The following DPP10 variants were observed in gnomAD, a reference collection of about 807,000 sequenced individuals.
The protein encoded by DPP10 is inactive dipeptidyl peptidase 10.
Under a neutral mutation model 120.9 loss-of-function variants are expected in DPP10, and 33 were observed. The observed-to-expected ratio is 0.27, with a 90% CI of 0.21 to 0.37. The LOEUF is 0.37. DPP10 is among the 10% of genes least tolerant of loss of function. DPP10 has a pLI of 1.00. For missense variants in DPP10, 816 were observed against 942.8 expected, an observed-to-expected ratio of 0.87 and a Z score of 1.76; for synonymous variants, 337 against 326.1, an observed-to-expected ratio of 1.03 and a Z score of -0.36.
At position 115,099,115 on chromosome 2, in the gene DPP10, T is replaced by A. The variant is rs796199519; in HGVS notation, c.61-210124T>A. Among the ~76,000 whole-genome samples, 66 of 135,974 alleles carry A rather than the reference T, an allele frequency of 4.9e-4. 1 individual carries two copies. Among genetic ancestry groups the A allele is most frequent in the African/African-American group, 1.1e-3 (40 of 35,996 alleles). 89.2% of individuals were successfully genotyped at this position (135,974 alleles called of 152,430 possible). On this transcript the variant is annotated intron_variant, in intron 1 of 25. Transcript: ENST00000410059. The stretch of plus-strand genomic sequence containing the variant: ...GCCTGGCCAAGATGGCAAAACCCCA[T>A]CTCTGCTAAAAATACAAAAAAAAAA...
chr2:115,587,622 C>T (rs1292141292), intron 5 of DPP10, among the ~76,000 whole-genome samples: 1 of 152,014 alleles, frequency 6.6e-6, no homozygotes, highest in Non-Finnish European at 1.5e-5. Flanking sequence ...TTAATAATAG[C>T]CAAGATATAG....
At chr2:115,109,907 G>GT (rs2049131782) in intron 1 of DPP10, among the ~76,000 whole-genome samples, 1 of 152,210 alleles carries the variant, frequency 6.6e-6, no homozygotes, top group Non-Finnish European at 1.5e-5. Flanking sequence ...AGACTTTGCT[G>GT]TAGGGACAAA....
intron 3 of DPP10, among the ~76,000 whole-genome samples, chr2:115,360,924 G>A (rs2106350521): frequency 6.6e-6 from 1 of 152,238 alleles, no homozygotes; most frequent in South Asian, 2.1e-4. Context: ...AGGGCCTAGA[G>A]TTTTTTGCCC....
intron 3 of DPP10, among the ~76,000 whole-genome samples, chr2:115,394,002 C>A (rs551137988): frequency 6.6e-6 from 1 of 152,026 alleles, no homozygotes; most frequent in East Asian, 1.9e-4. Flanking sequence ...AAGATTGGTG[C>A]CATGAAGTGA....
intron 3 of DPP10, among the ~76,000 whole-genome samples, chr2:115,450,278 A>G (rs1207264946): frequency 6.6e-6 from 1 of 152,000 alleles, no homozygotes; most frequent in Non-Finnish European, 1.5e-5. Flanking sequence ...TCATGACTGC[A>G]TGTCACTGCC....
At chr2:114,817,990 T>C (rs1685777017) in intron 1 of DPP10, among the ~76,000 whole-genome samples, 1 of 152,144 alleles carries the variant, frequency 6.6e-6, no homozygotes, top group South Asian at 2.1e-4. Context: ...TCTTGAAGGA[T>C]TAGAAAATAC....
chr2:115,580,709 A>G (rs2081959302), intron 5 of DPP10, among the ~76,000 whole-genome samples: 1 of 152,202 alleles, frequency 6.6e-6, no homozygotes, highest in Admixed American at 6.5e-5. Context: ...AAATATCAAC[A>G]CTTTAGTGAA....
At chr2:114,663,258 A>ATATC (rs1259987643) in intron 1 of DPP10, among the ~76,000 whole-genome samples, 1 of 147,650 alleles carries the variant, frequency 6.8e-6, no homozygotes, top group Non-Finnish European at 1.5e-5. Flanking sequence ...ATATATATAT[A>ATATC]TCTATATATA....
chr2:115,332,084 T>G (rs1355878061), intron 2 of DPP10, among the ~76,000 whole-genome samples: 1 of 152,178 alleles, frequency 6.6e-6, no homozygotes, highest in African/African-American at 2.4e-5. Flanking sequence ...AGCTATTGAT[T>G]ATTGCCTCAA....
chr2:115,221,987 A>G (rs2057194922), intron 1 of DPP10, among the ~76,000 whole-genome samples: 1 of 152,020 alleles, frequency 6.6e-6, no homozygotes, highest in Admixed American at 6.6e-5. Context: ...CTTAAACTCT[A>G]GGATTTGGAG....
At chr2:114,855,709 A>G (rs1440076930) in intron 1 of DPP10, among the ~76,000 whole-genome samples, 1 of 152,214 alleles carries the variant, frequency 6.6e-6, no homozygotes, top group African/African-American at 2.4e-5. Flanking sequence ...AAAGATCAGC[A>G]ACTTAGACTA....
intron 8 of DPP10, among the ~76,000 whole-genome samples, chr2:115,733,375 A>G (rs1317501876): frequency 6.6e-6 from 1 of 152,166 alleles, no homozygotes; most frequent in Non-Finnish European, 1.5e-5. Flanking sequence ...CAGGGTTATC[A>G]GTAGTGCTGA....
Position 115,451,696 on chromosome 2 carries a change from G to A in DPP10, c.272-47814G>A, listed in dbSNP as rs2073119016. On this transcript the variant is annotated intron_variant, in intron 3 of 25. Transcript: ENST00000410059. ...TATTCTCATTCAACAATGTTTGCATGTTGGTTAATTTCAAATGTATCTTTC... is the reference window on the plus strand; with the variant it reads ...TATTCTCATTCAACAATGTTTGCATATTGGTTAATTTCAAATGTATCTTTC... 2.6e-5 allele frequency among the ~76,000 whole-genome samples: 4 copies of A among 152,040 alleles called. No individual in the cohort carries two copies. In the South Asian group the frequency reaches 8.3e-4, roughly 32 times the overall value.
intron 8 of DPP10, among the ~76,000 whole-genome samples, chr2:115,733,921 G>T (rs2092970270): frequency 6.6e-6 from 1 of 152,144 alleles, no homozygotes; most frequent in Non-Finnish European, 1.5e-5. Context: ...TAAATTCTTT[G>T]TAAATAATAT....
At chr2:115,574,118 C>T (rs2081513101) in intron 5 of DPP10, among the ~76,000 whole-genome samples, 2 of 152,118 alleles carry the variant, frequency 1.3e-5, no homozygotes, top group South Asian at 4.1e-4. Flanking sequence ...ATTCTTCCCT[C>T]CACTTCACTG....
intron 3 of DPP10, among the ~76,000 whole-genome samples, chr2:115,467,302 C>G (rs1435060642): frequency 1.3e-5 from 2 of 152,122 alleles, no homozygotes; most frequent in African/African-American, 2.4e-5. Context: ...TGGCTCACGT[C>G]TGTAATCCCA....
intron 1 of DPP10, among the ~76,000 whole-genome samples, chr2:115,024,728 A>G (rs1007694294): frequency 5.4e-5 from 8 of 147,752 alleles, no homozygotes; most frequent in Non-Finnish European, 1.2e-4. Flanking sequence ...ATTTGTATAA[A>G]TAAATAATTT....
chr2:114,854,411 A>G (rs1689209512), intron 1 of DPP10, among the ~76,000 whole-genome samples: 1 of 152,208 alleles, frequency 6.6e-6, no homozygotes, highest in Non-Finnish European at 1.5e-5. Flanking sequence ...AAATGAATAA[A>G]GAGATCTTCC....
At chr2:115,158,749 T>A (rs1344060312) in intron 1 of DPP10, among the ~76,000 whole-genome samples, 2 of 152,230 alleles carry the variant, frequency 1.3e-5, no homozygotes, top group Non-Finnish European at 2.9e-5. Context: ...AATTAGCTGA[T>A]CAAAGATAAT....
Sources: gnomAD v4.1 joint callset for allele counts (sites outside exome capture counted in the v4.1 genomes callset) on GRCh38, gnomAD v4.1.1 for gene constraint, MANE v1.5 for transcripts, NCBI Gene and HGNC (gene_info 2026-07-23, HGNC 2026-07-21) for gene names.